Variants in ZBTB20 observed in about 807,000 individuals in gnomAD.
ZBTB20 encodes zinc finger and BTB domain containing 20.
ZBTB20 carries 9 observed loss-of-function variants against 56.9 expected under a neutral mutation model. The observed-to-expected ratio is 0.16, with a 90% CI of 0.10 to 0.28. The LOEUF (loss-of-function observed/expected upper bound fraction) is 0.28. Among genes scored for constraint, ZBTB20 ranks in the 10% least tolerant of loss-of-function variants. The probability of loss-of-function intolerance (pLI) is 1.00; values close to 1 mark genes in which losing one functional copy is unlikely to be tolerated. For synonymous variants in ZBTB20, 417 were observed against 420.7 expected, an observed-to-expected ratio of 0.99 and a Z score of 0.11; for missense variants, 655 against 1,003.0, an observed-to-expected ratio of 0.65 and a Z score of 4.69.
intron 5 of ZBTB20, among the ~76,000 whole-genome samples, chr3:114,704,696 T>C (rs140482080): frequency 6.6e-6 from 1 of 152,282 alleles, no homozygotes; most frequent in Non-Finnish European, 1.5e-5. Flanking sequence ...TAAATCAAGA[T>C]AATGAATTCT....
At chr3:114,853,987 TG>T (rs920769940) in intron 4 of ZBTB20, among the ~76,000 whole-genome samples, 11 of 152,334 alleles carry the variant, frequency 7.2e-5, no homozygotes, top group Admixed American at 3.9e-4. Context: ...AACTTTAAGA[TG>T]AAAATCTTTA....
intron 6 of ZBTB20, among the ~76,000 whole-genome samples, chr3:114,585,270 A>G (rs2055062580): frequency 6.6e-6 from 1 of 152,124 alleles, no homozygotes; most frequent in African/African-American, 2.4e-5. Context: ...TAATGGAGAT[A>G]ACAGTGCTCT....
chr3:114,371,925 C>CA (rs1164378740), intron 10 of ZBTB20, among the ~76,000 whole-genome samples: 5,770 of 119,120 alleles, frequency 0.048, 157 homozygotes, highest in African/African-American at 0.093. Context: ...AAAAAGAAAG[C>CA]AAAAAAAAAA....
intron 7 of ZBTB20, among the ~76,000 whole-genome samples, chr3:114,457,368 G>A (rs2092082390): frequency 6.6e-6 from 1 of 152,138 alleles, no homozygotes; most frequent in Admixed American, 6.6e-5. Context: ...TATGGAGGAA[G>A]GTGTGTAAAC....
chr3:114,351,873 T>C lies in ZBTB20; in HGVS notation c.205A>G (p.Ile69Val). Residue 69 changes from isoleucine (I) to valine (V), a missense_variant, in exon 11 of 12, where the codon ATC becomes GTC. Around this residue, in one of 10 missense-constraint regions of ZBTB20, gnomAD observed 57 missense variants for 99.1 expected, o/e 0.58. Transcript: ENST00000675478. ...CGCTCGGTCATCCCCTTGCAACTGA[T>C]GTCACCTGCAGCATGTCAACGCAGA... The part of the protein sequence containing the change: ...HAHTGSSDCD[I>V]SCKGMTERIH... 1.3e-6 allele frequency: 2 copies of C among 1,589,524 alleles called. No individual in the cohort carries two copies. The highest frequency in any genetic ancestry group is 1.7e-6 in the Non-Finnish European group (2 of 1,162,750).
intron 4 of ZBTB20, among the ~76,000 whole-genome samples, chr3:114,819,474 AC>A (rs1263272435): frequency 1.3e-5 from 2 of 151,936 alleles, no homozygotes; most frequent in Admixed American, 6.6e-5. Flanking sequence ...GCAATATAGA[AC>A]CGGTGAAAGA....
chr3:115,112,012 G>C (rs2083895191), intron 1 of ZBTB20, among the ~76,000 whole-genome samples: 1 of 152,124 alleles, frequency 6.6e-6, no homozygotes, highest in Non-Finnish European at 1.5e-5. Flanking sequence ...TTATTAAAAA[G>C]TGTATGCTCC....
At chr3:114,725,802 A>G (rs914260589) in intron 5 of ZBTB20, among the ~76,000 whole-genome samples, 3 of 152,250 alleles carry the variant, frequency 2.0e-5, no homozygotes, top group African/African-American at 7.2e-5. Flanking sequence ...TGGGGAGAAA[A>G]TAAGGCATCA....
intron 1 of ZBTB20, among the ~76,000 whole-genome samples, chr3:115,088,660 T>C (rs989501195): frequency 6.6e-6 from 1 of 151,842 alleles, no homozygotes; most frequent in South Asian, 2.1e-4. Context: ...AAGTGAGAAA[T>C]TGTACAAGTT....
At chr3:114,574,018 T>TAAATAAA (rs1414524166) in intron 6 of ZBTB20, among the ~76,000 whole-genome samples, 26 of 152,268 alleles carry the variant, frequency 1.7e-4, no homozygotes, top group African/African-American at 6.0e-4. Context: ...TGGGATTGTT[T>TAAATAAA]TAGGTATATA....
At chr3:114,542,314 T>C (rs1401198580) in intron 6 of ZBTB20, among the ~76,000 whole-genome samples, 3 of 152,156 alleles carry the variant, frequency 2.0e-5, no homozygotes, top group African/African-American at 4.8e-5. Context: ...TAGCCCAACA[T>C]GCAATTTAGA....
intron 6 of ZBTB20, among the ~76,000 whole-genome samples, chr3:114,653,170 C>T (rs542560312): frequency 1.5e-4 from 23 of 151,988 alleles, no homozygotes; most frequent in South Asian, 4.1e-4. Context: ...TTTAGAACAA[C>T]GCTGAACAGA....
At chr3:114,841,853 G>A (rs1164330693) in intron 4 of ZBTB20, among the ~76,000 whole-genome samples, 1 of 152,172 alleles carries the variant, frequency 6.6e-6, no homozygotes, top group Non-Finnish European at 1.5e-5. Flanking sequence ...AAACCTATGG[G>A]AGAAAATGAG....
intron 6 of ZBTB20, among the ~76,000 whole-genome samples, chr3:114,557,350 T>G (rs933579198): frequency 6.6e-6 from 1 of 151,972 alleles, no homozygotes; most frequent in Non-Finnish European, 1.5e-5. Flanking sequence ...AGAAATTCTA[T>G]TATAGAATTT....
intron 6 of ZBTB20, among the ~76,000 whole-genome samples, chr3:114,671,378 T>A (rs939918918): frequency 4.6e-5 from 7 of 152,100 alleles, no homozygotes; most frequent in African/African-American, 1.7e-4. Context: ...ATTCTTTTTC[T>A]TCAAGAGGAC....
intron 6 of ZBTB20, among the ~76,000 whole-genome samples, chr3:114,596,878 G>C (rs1038860364): frequency 1.3e-5 from 2 of 152,130 alleles, no homozygotes; most frequent in African/African-American, 4.8e-5. Flanking sequence ...CCTTCTGAAT[G>C]CATTGCATTA....
intron 5 of ZBTB20, among the ~76,000 whole-genome samples, chr3:114,787,319 A>C (rs924258063): frequency 7.7e-6 from 1 of 129,904 alleles, no homozygotes. Flanking sequence ...GAAAGAAGCC[A>C]GTCTTAAAAG....
rs371039011 is a variant in ZBTB20, at chr3:114,923,128, C to T, written c.-455-22786G>A. Among the ~76,000 whole-genome samples the T allele has an allele frequency of 7.2e-4, 110 of 152,272 alleles. 2 individuals are homozygous for T. In the South Asian group the frequency reaches 0.022, roughly 31 times the overall value. ...GCACGTTCGTGAATTGAAAGAATTG[C>T]TATTTTTAAAATGCCCATGCTACCT... is the stretch of plus-strand genomic sequence containing the variant. On this transcript the variant is annotated intron_variant, in intron 3 of 11. Transcript: ENST00000675478.
At chr3:114,809,361 T>C (rs1023636503) in intron 4 of ZBTB20, among the ~76,000 whole-genome samples, 1 of 152,164 alleles carries the variant, frequency 6.6e-6, no homozygotes, top group African/African-American at 2.4e-5. Context: ...GCTCATTTTT[T>C]CATTGTTCTT....
Sources: gnomAD v4.1 joint callset for allele counts (sites outside exome capture counted in the v4.1 genomes callset) on GRCh38, gnomAD v4.1.1 for gene constraint, gnomAD v4.1.1 regional missense constraint, MANE v1.5 for transcripts, NCBI Gene and HGNC (gene_info 2026-07-23, HGNC 2026-07-21) for gene names.